SOX5: variants seen among roughly 807,000 people sequenced by gnomAD.
SOX5 encodes SRY-box transcription factor 5, also known as transcription factor SOX-5.
Under a neutral mutation model 92.0 loss-of-function variants are expected in SOX5, and 9 were observed. The observed-to-expected ratio is 0.10, with a 90% CI of 0.06 to 0.17. SOX5 has a LOEUF of 0.17. SOX5 is among the 10% of genes least tolerant of loss of function. The pLI, the probability that SOX5 is intolerant of heterozygous loss-of-function variation, is 1.00. For missense variants in SOX5, 642 were observed against 944.5 expected, an observed-to-expected ratio of 0.68 and a Z score of 4.20; for synonymous variants, 344 against 336.3, an observed-to-expected ratio of 1.02 and a Z score of -0.25.
chr12:23,680,384 TAGAC>T (rs1251966449), intron 6 of SOX5, among the ~76,000 whole-genome samples: 1 of 115,632 alleles, frequency 8.6e-6, no homozygotes, highest in African/African-American at 3.2e-5. Flanking sequence ...ACTCATCAAA[TAGAC>T]AGCAAGTTAG....
intron 4 of SOX5, among the ~76,000 whole-genome samples, chr12:24,032,808 T>C (rs1038811471): frequency 2.0e-5 from 3 of 151,950 alleles, no homozygotes; most frequent in Non-Finnish European, 4.4e-5. Flanking sequence ...AGCAACTAAA[T>C]CTGTTAATGA....
intron 6 of SOX5, among the ~76,000 whole-genome samples, chr12:23,697,520 G>C (rs78995450): frequency 6.6e-6 from 1 of 151,952 alleles, no homozygotes; most frequent in Non-Finnish European, 1.5e-5. Context: ...ATTTTAATTA[G>C]TTTGTTTAGA....
At chr12:23,984,208 T>G (rs958850223) in intron 4 of SOX5, among the ~76,000 whole-genome samples, 3 of 152,160 alleles carry the variant, frequency 2.0e-5, no homozygotes, top group African/African-American at 4.8e-5. Flanking sequence ...TGCACAATCC[T>G]TGCCATAAAG....
At chr12:24,239,983 C>T in intron 3 of SOX5, among the ~76,000 whole-genome samples, 1 of 152,086 alleles carries the variant, frequency 6.6e-6, no homozygotes, top group East Asian at 1.9e-4. Flanking sequence ...AGGCTTTATG[C>T]TAATTTTAGC....
At chr12:23,548,416 T>C (rs1943557317) in intron 11 of SOX5, among the ~76,000 whole-genome samples, 1 of 152,032 alleles carries the variant, frequency 6.6e-6, no homozygotes, top group Admixed American at 6.6e-5. Context: ...TTCAGTTAGC[T>C]ACCCAAAAGT....
intron 2 of SOX5, among the ~76,000 whole-genome samples, chr12:24,323,490 A>G (rs553662070): frequency 1.3e-5 from 2 of 152,084 alleles, no homozygotes; most frequent in East Asian, 1.9e-4. Context: ...TGTCAAACAA[A>G]AAAAGCAGCT....
intron 4 of SOX5, among the ~76,000 whole-genome samples, chr12:24,200,858 C>T (rs1194705253): frequency 6.6e-6 from 1 of 152,104 alleles, no homozygotes; most frequent in Non-Finnish European, 1.5e-5. Flanking sequence ...TCAAACAATC[C>T]ACAGAATTTT....
chr12:23,832,718 C>T (rs2096348185), intron 3 of SOX5, among the ~76,000 whole-genome samples: 1 of 150,730 alleles, frequency 6.6e-6, no homozygotes, highest in Admixed American at 6.6e-5. Flanking sequence ...TATATTAATA[C>T]AATTATTATA....
chr12:23,689,881 A>G (rs900009790), intron 6 of SOX5, among the ~76,000 whole-genome samples: 5 of 152,158 alleles, frequency 3.3e-5, no homozygotes, highest in African/African-American at 9.6e-5. Flanking sequence ...TTTAAGACGC[A>G]TTGCTGGCAC....
At chr12:24,460,490 C>A (rs1943502464) in intron 1 of SOX5, 1 of 152,186 alleles carries the variant, frequency 6.6e-6, no homozygotes, top group Admixed American at 6.5e-5. Flanking sequence ...TGCTCAACTT[C>A]TGAAAGAATA....
chr12:24,307,492 A>AG (rs1948710689), intron 2 of SOX5, among the ~76,000 whole-genome samples: 19 of 33,704 alleles, frequency 5.6e-4, no homozygotes, highest in African/African-American at 8.7e-4. Context: ...GAAGGAAGGA[A>AG]GGAAGGAAGG....
intron 2 of SOX5, among the ~76,000 whole-genome samples, chr12:24,359,548 A>C (rs971194181): frequency 6.6e-6 from 1 of 152,228 alleles, no homozygotes; most frequent in Non-Finnish European, 1.5e-5. Context: ...GCTCCCCCTT[A>C]GCCATACTTT....
rs560754989 is a variant in SOX5 at position 24,112,756 on chromosome 12, G to A, written c.-2+100587C>T. The stretch of plus-strand genomic sequence containing the variant: ...TCACCATGTTGCCCAGGCTGGTCTC[G>A]AACTCCTGGGCTCAAGCAATCTGCC... On this transcript the variant is annotated intron_variant, in intron 4 of 4. Coordinates refer to the SOX5 transcript ENST00000446891. Among the ~76,000 whole-genome samples, 28 of 151,088 alleles carry A rather than the reference G, an allele frequency of 1.9e-4. No individual in the cohort carries two copies. The South Asian group carries it at 4.8e-3, about 26-fold the overall frequency.
intron 1 of SOX5, among the ~76,000 whole-genome samples, chr12:24,471,236 A>C (rs901104509): frequency 4.6e-5 from 7 of 152,174 alleles, no homozygotes; most frequent in African/African-American, 1.7e-4. Flanking sequence ...AGAATAAATT[A>C]TGAATTTTAA....
At chr12:23,578,148 A>AAAAAAAAAAAAT (rs1949524825) in intron 9 of SOX5, among the ~76,000 whole-genome samples, 1 of 133,438 alleles carries the variant, frequency 7.5e-6, no homozygotes, top group African/African-American at 2.7e-5. Flanking sequence ...AAAAAAAAAA[A>AAAAAAAAAAAAT]AACTATAGGG....
At chr12:23,999,945 G>T (rs1461463482) in intron 4 of SOX5, among the ~76,000 whole-genome samples, 2 of 151,708 alleles carry the variant, frequency 1.3e-5, no homozygotes, top group East Asian at 3.9e-4. Context: ...AAGAAATAAA[G>T]AATGCTATAA....
intron 4 of SOX5, among the ~76,000 whole-genome samples, chr12:23,990,798 A>G (rs898638128): frequency 6.6e-6 from 1 of 152,118 alleles, no homozygotes; most frequent in Non-Finnish European, 1.5e-5. Flanking sequence ...TGCCTAGAAC[A>G]TCGTAGGTGC....
At chr12:24,277,401 G>GT (rs887857244) in intron 2 of SOX5, 2 of 80,770 alleles carry the variant, frequency 2.5e-5, no homozygotes, top group Non-Finnish European at 6.4e-5. Flanking sequence ...AATGTGTAAG[G>GT]TTTTCAAAAG....
chr12:24,153,217 T>A (rs1054161690), intron 4 of SOX5, among the ~76,000 whole-genome samples: 1 of 152,114 alleles, frequency 6.6e-6, no homozygotes, highest in African/African-American at 2.4e-5. Context: ...CAGAGACGAA[T>A]CCTATTTAAA....
Sources: allele counts gnomAD v4.1 joint callset (sites outside exome capture counted in the v4.1 genomes callset), GRCh38; gene constraint gnomAD v4.1.1; transcripts MANE v1.5; gene names NCBI Gene and HGNC (gene_info 2026-07-23, HGNC 2026-07-21).